PUM3: variants seen among roughly 807,000 people sequenced by gnomAD.
The protein encoded by PUM3 is pumilio RNA binding family member 3.
In PUM3, 91 loss-of-function variants were observed where a neutral mutation model predicts 84.0. The observed-to-expected ratio is 1.08, with a 90% confidence interval of 0.91 to 1.29. The LOEUF (loss-of-function observed/expected upper bound fraction) is 1.29, where lower values mean the gene tolerates loss of function less well. Among genes scored for constraint, PUM3 ranks in the 50% most tolerant of loss-of-function variants. PUM3 has a pLI of 0.00. For missense variants in PUM3, 1,067 were observed against 767.5 expected (o/e 1.39, Z -4.61); for synonymous variants, 321 against 266.7 (o/e 1.20, Z -1.98).
Position 2,838,493 on chromosome 9 carries a change from C to A in PUM3, c.15G>T (p.Gly5=). The A allele has an allele frequency of 6.2e-7, 1 of 1,613,108 alleles. No homozygotes were observed. Among genetic ancestry groups the A allele is most frequent in the South Asian group, 1.1e-5 (1 of 91,026 alleles). MEVK[G]KKQFTGKSTK... is the part of the protein sequence containing the mutation. ...TACTCTTTCCTGTGAATTGCTTTTTCCCTTTAACTTCCATCGTAGCAACTC... is the reference window on the plus strand; with the variant it reads ...TACTCTTTCCTGTGAATTGCTTTTTACCTTTAACTTCCATCGTAGCAACTC... The change falls in exon 2 of 18, where the codon GGG becomes GGT. Residue 5 remains glycine (G), a synonymous_variant. Coordinates refer to ENST00000397885, the MANE Select transcript of PUM3 (RefSeq NM_014878.5).
intron 12 of PUM3, 94 bp downstream of exon 12, chr9:2,823,687 G>A: frequency 1.9e-6 from 1 of 535,028 alleles, no homozygotes; most frequent in Non-Finnish European, 3.3e-6. Context: ...TTTTCTGCTT[G>A]GTAATTTTCT....
At position 2,837,233 on chromosome 9, in the gene PUM3, G is replaced by A. The variant is rs201936048; in HGVS notation, c.251C>T (p.Pro84Leu). The A allele has an allele frequency of 1.6e-4, 264 of 1,614,030 alleles. 1 individual carries two copies. The highest frequency in any genetic ancestry group is 1.1e-3 in the African/African-American group (81 of 74,994). ...TCTCTTCTTGTTGAATTTATTTGCC[G>A]GCTGGAATTTGTTCTTTGGTGATTT... ...GDKSPKNKFQ[P>L]ANKFNKKRKF... The change falls in exon 3 of 18, where the codon CCG becomes CTG. Residue 84 changes from proline to leucine, a missense_variant. Transcript: ENST00000397885.
At chr9:2,822,099 A>G (rs1010331233) in intron 12 of PUM3, among the ~76,000 whole-genome samples, 2 of 152,194 alleles carry the variant, frequency 1.3e-5, no homozygotes, top group Non-Finnish European at 2.9e-5. Context: ...TTCTAGGTGA[A>G]TACAACAGAA....
chr9:2,819,960 C>T, intron 13 of PUM3, 58 bp downstream of exon 13: 2 of 1,123,552 alleles, frequency 1.8e-6, no homozygotes, highest in Admixed American at 1.7e-5. Context: ...ATCAAGCTTA[C>T]ACATCCACAA....
intron 2 of PUM3, among the ~76,000 whole-genome samples, chr9:2,837,757 C>T (rs1320093540): frequency 6.6e-6 from 1 of 152,094 alleles, no homozygotes; most frequent in Non-Finnish European, 1.5e-5. Flanking sequence ...TGATGGTCTA[C>T]ACAGAATTTT....
intron 10 of PUM3, among the ~76,000 whole-genome samples, chr9:2,826,134 C>G (rs1341468261): frequency 1.3e-5 from 2 of 151,874 alleles, no homozygotes; most frequent in Non-Finnish European, 2.9e-5. Context: ...GAAAATGCCC[C>G]CAATACCAGA....
intron 3 of PUM3, among the ~76,000 whole-genome samples, chr9:2,835,295 G>A (rs1816094017): frequency 1.3e-5 from 2 of 152,158 alleles, no homozygotes; most frequent in African/African-American, 4.8e-5. Context: ...GTACATGCCT[G>A]CAGTCCCAGC....
chr9:2,816,434 G>A (rs1011337965), intron 13 of PUM3, among the ~76,000 whole-genome samples: 1 of 152,158 alleles, frequency 6.6e-6, no homozygotes, highest in African/African-American at 2.4e-5. Context: ...AAAAGTCCTG[G>A]AGATTGCCTA....
chr9:2,825,391 C>T (rs186823025), intron 10 of PUM3, among the ~76,000 whole-genome samples: 1 of 152,182 alleles, frequency 6.6e-6, no homozygotes, highest in South Asian at 2.1e-4. Flanking sequence ...TATAAAATGA[C>T]CCTTTAGTAA....
At chr9:2,807,949 T>A (rs778501764) in intron 16 of PUM3, 45 bp from the exon 17 acceptor site, 2 of 1,203,794 alleles carry the variant, frequency 1.7e-6, no homozygotes, top group Non-Finnish European at 2.5e-6. Flanking sequence ...TAATAAGATA[T>A]ATACTCCCTA....
chr9:2,817,065 C>A (rs1821484879), intron 13 of PUM3, among the ~76,000 whole-genome samples: 1 of 152,182 alleles, frequency 6.6e-6, no homozygotes, highest in Non-Finnish European at 1.5e-5. Context: ...TTTGGCAGCC[C>A]AGCAATTCTG....
intron 12 of PUM3, among the ~76,000 whole-genome samples, chr9:2,821,645 G>A (rs1214253432): frequency 6.6e-6 from 1 of 152,014 alleles, no homozygotes; most frequent in Non-Finnish European, 1.5e-5. Flanking sequence ...AAGCAGGCAC[G>A]CTTTTATGTT....
At chr9:2,811,074 T>C (rs888006585) in intron 15 of PUM3, among the ~76,000 whole-genome samples, 7 of 152,156 alleles carry the variant, frequency 4.6e-5, no homozygotes, top group African/African-American at 1.7e-4. Context: ...ATGGCCCACT[T>C]CTCTTCCCCA....
chr9:2,832,876 G>T (rs1403057508), intron 5 of PUM3, among the ~76,000 whole-genome samples: 4 of 151,980 alleles, frequency 2.6e-5, no homozygotes, highest in Non-Finnish European at 5.9e-5. Flanking sequence ...TTACAAAACA[G>T]GATTAAGCAG....
intron 1 of PUM3, among the ~76,000 whole-genome samples, chr9:2,839,886 A>G (rs1162233896): frequency 1.3e-5 from 2 of 152,236 alleles, no homozygotes; most frequent in Non-Finnish European, 2.9e-5. Flanking sequence ...GAAAAGATAC[A>G]CAGTTCACAT....
At chr9:2,810,251 T>C in intron 16 of PUM3, 93 bp downstream of exon 16, 1 of 807,276 alleles carries the variant, frequency 1.2e-6, no homozygotes, top group Non-Finnish European at 2.1e-6. Flanking sequence ...CAAACTTCAT[T>C]TGAGCTTAAA....
chr9:2,838,687 T>G (rs914544740), intron 1 of PUM3, among the ~76,000 whole-genome samples, 170 bp from the exon 2 acceptor site: 1 of 152,132 alleles, frequency 6.6e-6, no homozygotes, highest in African/African-American at 2.4e-5. Context: ...AATCACTGAC[T>G]CAAATTTTAA....
At chr9:2,818,242 T>G (rs1306891464) in intron 13 of PUM3, among the ~76,000 whole-genome samples, 1 of 152,236 alleles carries the variant, frequency 6.6e-6, no homozygotes, top group Non-Finnish European at 1.5e-5. Flanking sequence ...CAGAACCTGT[T>G]GAACGTTTGT....
chr9:2,825,972 C>A (rs765887510), intron 10 of PUM3, among the ~76,000 whole-genome samples: 4 of 152,200 alleles, frequency 2.6e-5, no homozygotes, highest in Admixed American at 6.5e-5. Flanking sequence ...AAGTATCTAA[C>A]AATCCCTTCC....
Sources: gnomAD v4.1 joint callset for allele counts (sites outside exome capture counted in the v4.1 genomes callset) on GRCh38, gnomAD v4.1.1 for gene constraint, MANE v1.5 for transcripts, NCBI Gene and HGNC (gene_info 2026-07-23, HGNC 2026-07-21) for gene names.